Variants in PPFIBP2 observed in about 807,000 individuals in gnomAD.
PPFIBP2 encodes the protein liprin-beta-2.
PPFIBP2 carries 118 observed loss-of-function variants against 118.3 expected under a neutral mutation model. The ratio of observed to expected loss-of-function variants is 1.00; its 90% confidence interval spans 0.86 to 1.16. PPFIBP2 has a LOEUF of 1.16. PPFIBP2 is among the 50% of genes most tolerant of loss of function. The pLI is 0.00. For missense variants in PPFIBP2, 1,195 were observed against 1,073.1 expected (o/e 1.11, Z -1.59); for synonymous variants, 414 against 397.4 (o/e 1.04, Z -0.50).
In PPFIBP2 at chr11:7,650,853, C is replaced by T; in HGVS notation, c.2135C>T (p.Pro712Leu). ...RRPADESNLS[P>L]SEVVQWSNHR... ...TCCCTCTGACAGAGTAACCTTTCTC[C>T]TTCAGAAGTTGTACAGTGGTCCAAC... Residue 712 changes from proline (P) to leucine (L), a missense_variant, in exon 22 of 24, where the codon CCT becomes CTT. Pro to Leu is a moderately conservative substitution (Grantham distance 98, BLOSUM62 -3). Transcript: ENST00000299492. The T allele has an allele frequency of 6.2e-7, 1 of 1,613,872 alleles. No homozygotes were observed. Among genetic ancestry groups the T allele is most frequent in the Non-Finnish European group, 8.5e-7 (1 of 1,179,834 alleles).
intron 5 of PPFIBP2, among the ~76,000 whole-genome samples, chr11:7,599,037 G>A (rs1409782970): frequency 1.3e-5 from 2 of 151,140 alleles, no homozygotes; most frequent in Admixed American, 1.3e-4. Context: ...TTCTACTTAG[G>A]TTGTGTGCCA....
chr11:7,633,890 C>T (rs954204274), intron 12 of PPFIBP2, among the ~76,000 whole-genome samples: 2 of 152,170 alleles, frequency 1.3e-5, no homozygotes, highest in African/African-American at 4.8e-5. Context: ...GGAGACTTGG[C>T]ACAGGTTACC....
At chr11:7,518,585 C>T (rs1849446176) in intron 1 of PPFIBP2, among the ~76,000 whole-genome samples, 1 of 151,978 alleles carries the variant, frequency 6.6e-6, no homozygotes, top group South Asian at 2.1e-4. Flanking sequence ...GAGCTAGGGT[C>T]CAGACACAGT....
In PPFIBP2 at chr11:7,629,483, G is replaced by C. The variant is rs1464634852; in HGVS notation, c.913G>C (p.Gly305Arg). ...GGACCGTCGGATAGAGGAGCTTACG[G>C]GGCTGTTAAACCAGTACCGGAAGGT... ...DKDRRIEELT[G>R]LLNQYRKVKE... The change falls in exon 10 of 24, where the codon GGG becomes CGG. Residue 305 changes from glycine (G) to arginine (R), a missense_variant. Coordinates refer to ENST00000299492, the MANE Select transcript of PPFIBP2 (RefSeq NM_003621.5). 1.9e-6 allele frequency: 3 copies of C among 1,614,104 alleles called. No individual in the cohort carries two copies. The highest frequency in any genetic ancestry group is 2.5e-6 in the Non-Finnish European group (3 of 1,179,972).
At chr11:7,562,380 T>A (rs1854398343) in intron 2 of PPFIBP2, among the ~76,000 whole-genome samples, 1 of 152,198 alleles carries the variant, frequency 6.6e-6, no homozygotes, top group Admixed American at 6.5e-5. Flanking sequence ...AGTGTCCTTA[T>A]AACATGGCAG....
intron 3 of PPFIBP2, among the ~76,000 whole-genome samples, chr11:7,573,179 A>C (rs182057468): frequency 2.1e-3 from 317 of 152,268 alleles, no homozygotes; most frequent in African/African-American, 7.3e-3. Context: ...TCAGCAGTGC[A>C]CAACAGCAGG....
At chr11:7,631,752 G>A (rs1348665851) in intron 11 of PPFIBP2, among the ~76,000 whole-genome samples, 2 of 152,164 alleles carry the variant, frequency 1.3e-5, no homozygotes, top group East Asian at 3.9e-4. Flanking sequence ...CAGTGAGCCA[G>A]TTATTGACTC....
intron 12 of PPFIBP2, 101 bp from the exon 13 acceptor site, chr11:7,634,394 T>TC (rs1851178693): frequency 1.1e-6 from 1 of 951,856 alleles, no homozygotes; most frequent in Non-Finnish European, 1.7e-6. Context: ...ACTTTGAACC[T>TC]AAGCCCAAGA....
chr11:7,635,643 A>C (rs1249331641), intron 14 of PPFIBP2, 50 bp downstream of exon 14: 1 of 1,542,076 alleles, frequency 6.5e-7, no homozygotes, highest in Non-Finnish European at 9.0e-7. Flanking sequence ...ACTGTTTGCT[A>C]GTATTTTAAT....
chr11:7,643,118 G>C (rs1427877754), intron 17 of PPFIBP2, among the ~76,000 whole-genome samples: 1 of 152,164 alleles, frequency 6.6e-6, no homozygotes, highest in Non-Finnish European at 1.5e-5. Context: ...GTAAGTCAGA[G>C]ACCAATTCAG....
intron 3 of PPFIBP2, chr11:7,577,324 T>TGTGTGC (rs1554958734): frequency 8.6e-5 from 23 of 266,898 alleles, no homozygotes; most frequent in Middle Eastern, 1.4e-3. Flanking sequence ...TATGTGCGTG[T>TGTGTGC]GTGTGTGTGT....
intron 1 of PPFIBP2, among the ~76,000 whole-genome samples, chr11:7,519,556 A>G (rs1849550722): frequency 6.6e-6 from 1 of 152,190 alleles, no homozygotes; most frequent in Non-Finnish European, 1.5e-5. Flanking sequence ...TAGGGCGGAT[A>G]TCTTGCCTGA....
chr11:7,639,736 G>A lies in PPFIBP2; in HGVS notation c.1241G>A (p.Ser414Asn), dbSNP rs754353873. ...CTTTCTCTCACCTTCCAATAGGACA[G>A]CCCTTTCTTGGCGGAGCACAAATAT... ...QPFPVLEPKDSPFLAEHKYPT... is the reference protein window; with the variant it reads ...QPFPVLEPKDNPFLAEHKYPT... Residue 414 changes from serine to asparagine, a missense_variant, in exon 15 of 24, where the codon AGC becomes AAC. Physicochemically the swap from Ser to Asn is conservative, Grantham distance 46. Coordinates refer to ENST00000299492, the MANE Select transcript of PPFIBP2 (RefSeq NM_003621.5). 5 of 1,614,120 alleles carry A rather than the reference G, an allele frequency of 3.1e-6. No homozygotes were observed. Among genetic ancestry groups the A allele is most frequent in the Non-Finnish European group, 4.2e-6 (5 of 1,180,006 alleles).
At chr11:7,659,873 A>C (rs1854854427), downstream of PPFIBP2, among the ~76,000 whole-genome samples, 1 of 112,956 alleles carries the variant, frequency 8.9e-6, no homozygotes. Context: ...CATCCCTTGT[A>C]AGTTGGATTC....
At chr11:7,618,205 T>C (rs1002332351) in intron 6 of PPFIBP2, among the ~76,000 whole-genome samples, 10 of 152,070 alleles carry the variant, frequency 6.6e-5, no homozygotes. Context: ...AGCGGGGAAA[T>C]AGGAAAGTCA....
At chr11:7,532,086 C>T (rs1348543170) in intron 1 of PPFIBP2, among the ~76,000 whole-genome samples, 1 of 152,126 alleles carries the variant, frequency 6.6e-6, no homozygotes, top group Non-Finnish European at 1.5e-5. Flanking sequence ...AAGTGATCCA[C>T]TCACCTCGGC....
chr11:7,599,230 A>G lies in PPFIBP2; in HGVS notation c.486+1557A>G, dbSNP rs553785549. On this transcript the variant is annotated intron_variant, in intron 5 of 23. Coordinates refer to ENST00000299492, the MANE Select transcript of PPFIBP2 (RefSeq NM_003621.5). ...AACAACCTACTAGATTGTGTTTTCA[A>G]GTCTGCACAAGGTGTGTTTTTGAGG... Among the ~76,000 whole-genome samples the G allele has an allele frequency of 9.2e-5, 14 of 152,274 alleles. No individual in the cohort carries two copies. In the South Asian group the frequency reaches 1.0e-3, roughly 11 times the overall value.
At chr11:7,597,808 A>G (rs1860641546) in intron 5 of PPFIBP2, 135 bp downstream of exon 5, 1 of 748,534 alleles carries the variant, frequency 1.3e-6, no homozygotes, top group Non-Finnish European at 2.2e-6. Flanking sequence ...GCTCAGTTGT[A>G]CGGTGTTTAT....
At chr11:7,640,931 C>A in intron 15 of PPFIBP2, 1 of 952,180 alleles carries the variant, frequency 1.1e-6, no homozygotes, top group Non-Finnish European at 1.5e-6. Flanking sequence ...TGCTCGATGA[C>A]ACTCTTTTGT....
Sources: allele counts gnomAD v4.1 joint callset (sites outside exome capture counted in the v4.1 genomes callset), GRCh38; gene constraint gnomAD v4.1.1; transcripts MANE v1.5; gene names NCBI Gene and HGNC (gene_info 2026-07-23, HGNC 2026-07-21).